Variants in STK33 observed in about 807,000 individuals in gnomAD.
STK33 encodes serine/threonine-protein kinase 33.
A neutral mutation model predicts 58.0 loss-of-function variants in STK33; 52 were observed. The ratio of observed to expected loss-of-function variants is 0.90; its 90% CI spans 0.72 to 1.13. STK33 has a LOEUF of 1.13. STK33 is among the 50% of genes most tolerant of loss of function. STK33 has a pLI of 0.00. For synonymous variants in STK33, 215 were observed against 200.1 expected, an observed-to-expected ratio of 1.07 and a Z score of -0.63; for missense variants, 630 against 604.2, an observed-to-expected ratio of 1.04 and a Z score of -0.45.
At chr11:8,425,592 T>C (rs1942617484) in intron 14 of STK33, among the ~76,000 whole-genome samples, 1 of 152,212 alleles carries the variant, frequency 6.6e-6, no homozygotes, top group Non-Finnish European at 1.5e-5. Flanking sequence ...TCTTTGTTAG[T>C]GTTTGCCTGA....
In STK33 at chr11:8,558,548, T is replaced by A. The variant is rs181846501; in HGVS notation, c.-466+35535A>T. 2.6e-4 allele frequency among the ~76,000 whole-genome samples: 40 copies of A among 152,140 alleles called. No individual in the cohort carries two copies. In the East Asian group the frequency reaches 6.9e-3, roughly 26 times the overall value. On this transcript the variant is annotated intron_variant, in intron 1 of 15. Transcript: ENST00000687296. ...TTATAGATATAGGCATTTGAAAGAC[T>A]GTAGTTTTTGAATTAATCAAGGGTG...
the STK33 span, among the ~76,000 whole-genome samples, chr11:8,363,095 G>A: frequency 6.6e-6 from 1 of 152,146 alleles, no homozygotes; most frequent in African/African-American, 2.4e-5. Context: ...TGACCGAAGT[G>A]GGAGAAAGTG....
chr11:8,406,990 T>G (rs1939344734), intron 15 of STK33, among the ~76,000 whole-genome samples: 2 of 147,916 alleles, frequency 1.4e-5, no homozygotes, highest in Non-Finnish European at 3.0e-5. Flanking sequence ...TTTTTTTTTT[T>G]GTAAAATCTC....
chr11:8,553,167 A>AATATATATATATATATATATATAT (rs56363010), intron 1 of STK33, among the ~76,000 whole-genome samples: 17 of 68,168 alleles, frequency 2.5e-4, no homozygotes, highest in South Asian at 6.8e-4. Flanking sequence ...CCAAAAATAA[A>AATATATATATATATATATATATAT]ATATATATAT....
At chr11:8,566,861 T>C (rs528008909) in intron 1 of STK33, among the ~76,000 whole-genome samples, 1 of 152,322 alleles carries the variant, frequency 6.6e-6, no homozygotes, top group Admixed American at 6.5e-5. Flanking sequence ...CTGTCGAACC[T>C]ATGACATTGT....
At chr11:8,406,365 C>A (rs1342613579) in intron 15 of STK33, among the ~76,000 whole-genome samples, 1 of 152,010 alleles carries the variant, frequency 6.6e-6, no homozygotes, top group African/African-American at 2.4e-5. Context: ...TATGTATCTC[C>A]AAATAAATTT....
chr11:8,451,397 A>G (rs963274894), intron 11 of STK33, among the ~76,000 whole-genome samples: 1 of 152,228 alleles, frequency 6.6e-6, no homozygotes, highest in Non-Finnish European at 1.5e-5. Flanking sequence ...CAACTATTCA[A>G]CAATATAGAA....
At chr11:8,535,764 A>G (rs1954944853) in intron 1 of STK33, among the ~76,000 whole-genome samples, 1 of 152,200 alleles carries the variant, frequency 6.6e-6, no homozygotes, top group Admixed American at 6.5e-5. Flanking sequence ...AGAAACCAAT[A>G]TATCAAAGGG....
chr11:8,560,336 CCTT>C (rs1957036734), intron 1 of STK33, among the ~76,000 whole-genome samples: 1 of 152,040 alleles, frequency 6.6e-6, no homozygotes, highest in African/African-American at 2.4e-5. Flanking sequence ...ATTTCTACCT[CCTT>C]AATTATAAAT....
chr11:8,474,671 T>G lies in STK33; in HGVS notation c.225+10A>C. 6.3e-7 allele frequency: 1 copy of G among 1,590,434 alleles called. No homozygotes were observed. Among genetic ancestry groups the G allele is most frequent in the Non-Finnish European group, 8.6e-7 (1 of 1,167,818 alleles). On this transcript the variant is annotated intron_variant, in intron 5 of 15. Transcript: ENST00000687296. ...AACTTGTGCTTAGATGTGGAATCTT[T>G]GATATTTACCAAATCTTTCCTGGAG...
At chr11:8,593,306 T>G (rs1376375973) in intron 1 of STK33, among the ~76,000 whole-genome samples, 1 of 152,180 alleles carries the variant, frequency 6.6e-6, no homozygotes, top group African/African-American at 2.4e-5. Context: ...GACTATCCTA[T>G]TTTCTGGTTG....
intron 15 of STK33, among the ~76,000 whole-genome samples, chr11:8,404,084 T>C (rs1938635403): frequency 6.6e-6 from 1 of 152,326 alleles, no homozygotes; most frequent in East Asian, 1.9e-4. Context: ...TTGTGTGTAA[T>C]GGCTACCCAC....
At chr11:8,416,176 G>T (rs1374321601) in intron 14 of STK33, among the ~76,000 whole-genome samples, 1 of 152,136 alleles carries the variant, frequency 6.6e-6, no homozygotes, top group East Asian at 1.9e-4. Context: ...TGCCGAAAGT[G>T]AAAACTGAAT....
the STK33 span, among the ~76,000 whole-genome samples, chr11:8,366,992 ATT>A: frequency 6.6e-6 from 1 of 152,296 alleles, no homozygotes; most frequent in East Asian, 1.9e-4. Context: ...GTGCAAGTGT[ATT>A]TGTTATTCTT....
chr11:8,498,350 G>C (rs1951222986), intron 1 of STK33, among the ~76,000 whole-genome samples: 1 of 152,064 alleles, frequency 6.6e-6, no homozygotes, highest in African/African-American at 2.4e-5. Flanking sequence ...TTGCTACAAA[G>C]AGAATAAAAT....
intron 1 of STK33, among the ~76,000 whole-genome samples, chr11:8,561,410 T>C (rs1957103144): frequency 6.6e-6 from 1 of 152,186 alleles, no homozygotes. Context: ...GCCAGTCTCA[T>C]TTTCCCCCTT....
At chr11:8,519,596 C>A (rs1953184730) in intron 1 of STK33, among the ~76,000 whole-genome samples, 1 of 151,984 alleles carries the variant, frequency 6.6e-6, no homozygotes, top group Non-Finnish European at 1.5e-5. Flanking sequence ...AGACTGCTAG[C>A]AAGACTAATA....
At chr11:8,508,115 T>G (rs1952009851) in intron 1 of STK33, among the ~76,000 whole-genome samples, 1 of 152,124 alleles carries the variant, frequency 6.6e-6, no homozygotes, top group African/African-American at 2.4e-5. Context: ...GGTCTTAAAC[T>G]CCTGACCTCA....
At chr11:8,406,106 G>A (rs1939127485) in intron 15 of STK33, among the ~76,000 whole-genome samples, 1 of 132,278 alleles carries the variant, frequency 7.6e-6, no homozygotes, top group African/African-American at 2.8e-5. Flanking sequence ...TCGCGCCACC[G>A]CACTCCAGGC....
Sources: allele counts gnomAD v4.1 joint callset (sites outside exome capture counted in the v4.1 genomes callset), GRCh38; gene constraint gnomAD v4.1.1; transcripts MANE v1.5; gene names NCBI Gene and HGNC (gene_info 2026-07-23, HGNC 2026-07-21).